Variants in TG observed in about 807,000 individuals in gnomAD.
TG encodes the protein thyroid hormones.
A neutral mutation model predicts 324.7 loss-of-function variants in TG; 270 were observed. That is an observed-to-expected ratio of 0.83 (90% confidence interval 0.75 to 0.92). The LOEUF (loss-of-function observed/expected upper bound fraction) is 0.92, where lower values mean the gene tolerates loss of function less well. TG is among the 40% of genes least tolerant of loss of function. The probability of loss-of-function intolerance (pLI) is 0.00; values close to 1 mark genes in which losing one functional copy is unlikely to be tolerated. For synonymous variants in TG, 1,401 were observed against 1,327.0 expected, an observed-to-expected ratio of 1.06 and a Z score of -1.21; for missense variants, 3,591 against 3,456.4, an observed-to-expected ratio of 1.04 and a Z score of -0.98.
chr8:133,105,199 T>C (rs1268489138), intron 43 of TG, among the ~76,000 whole-genome samples: 1 of 152,208 alleles, frequency 6.6e-6, no homozygotes, highest in Admixed American at 6.5e-5. Flanking sequence ...TTTCAAAAAT[T>C]GGAGCATTAT....
intron 39 of TG, among the ~76,000 whole-genome samples, chr8:133,021,123 C>T (rs1296451138): frequency 2.0e-5 from 3 of 152,190 alleles, no homozygotes; most frequent in Non-Finnish European, 4.4e-5. Flanking sequence ...CTCAGGCAAG[C>T]CATTCAACAT....
intron 45 of TG, among the ~76,000 whole-genome samples, chr8:133,129,441 A>G (rs1419857530): frequency 6.6e-6 from 1 of 152,220 alleles, no homozygotes; most frequent in Non-Finnish European, 1.5e-5. Context: ...TTTACACTGT[A>G]AAAATTGGCA....
chr8:133,133,745 G>C, intron 47 of TG, 85 bp downstream of exon 47: 1 of 1,472,092 alleles, frequency 6.8e-7, no homozygotes. Context: ...TGTGCTGCGC[G>C]CGCATTGGAG....
At chr8:133,119,986 G>T (rs1244330811) in intron 45 of TG, among the ~76,000 whole-genome samples, 1 of 152,202 alleles carries the variant, frequency 6.6e-6, no homozygotes, top group East Asian at 1.9e-4. Flanking sequence ...GAGCCATGTG[G>T]TTTGGGTGGA....
intron 41 of TG, among the ~76,000 whole-genome samples, chr8:133,065,252 T>C (rs1359818381): frequency 6.6e-6 from 1 of 152,216 alleles, no homozygotes; most frequent in Non-Finnish European, 1.5e-5. Flanking sequence ...CAGTATGTCC[T>C]GGGTTGCTCA....
intron 5 of TG, among the ~76,000 whole-genome samples, chr8:132,873,823 A>G (rs1180667558): frequency 6.6e-6 from 1 of 152,164 alleles, no homozygotes; most frequent in Non-Finnish European, 1.5e-5. Flanking sequence ...AAGGAGCATA[A>G]AGTGCATGGT....
intron 41 of TG, among the ~76,000 whole-genome samples, chr8:133,069,400 A>G (rs1459193278): frequency 6.6e-6 from 1 of 152,152 alleles, no homozygotes; most frequent in East Asian, 1.9e-4. Flanking sequence ...GGACCCCAGA[A>G]CCCCACACTC....
intron 32 of TG, among the ~76,000 whole-genome samples, chr8:132,971,310 G>C (rs1240515209): frequency 6.6e-6 from 1 of 152,224 alleles, no homozygotes; most frequent in Non-Finnish European, 1.5e-5. Context: ...GAGGGGAAGT[G>C]AAGGGGAGCA....
chr8:133,065,099 G>T (rs1279930347), intron 41 of TG, among the ~76,000 whole-genome samples: 1 of 152,172 alleles, frequency 6.6e-6, no homozygotes, highest in East Asian at 1.9e-4. Context: ...CTAAGGCATG[G>T]AAGTGTGGTG....
chr8:133,128,072 C>A (rs1851654596), intron 45 of TG, among the ~76,000 whole-genome samples: 1 of 150,742 alleles, frequency 6.6e-6, no homozygotes, highest in Admixed American at 6.7e-5. Flanking sequence ...GTAATTCTAT[C>A]ACTTGATAGA....
intron 35 of TG, among the ~76,000 whole-genome samples, chr8:133,010,493 G>T (rs1190389796): frequency 6.6e-6 from 1 of 152,320 alleles, no homozygotes; most frequent in African/African-American, 2.4e-5. Context: ...GAAGGTGTGT[G>T]TATGTTACAG....
intron 16 of TG, among the ~76,000 whole-genome samples, chr8:132,905,847 C>T (rs1049328276): frequency 5.9e-5 from 9 of 152,054 alleles, no homozygotes; most frequent in Admixed American, 3.3e-4. Context: ...GAAAACAGAA[C>T]GTGTTGAGTT....
At chr8:132,938,196 A>C (rs917408618) in intron 25 of TG, among the ~76,000 whole-genome samples, 3 of 152,204 alleles carry the variant, frequency 2.0e-5, no homozygotes, top group Admixed American at 2.0e-4. Context: ...CGCAGTAGGT[A>C]GTTAATCATG....
At chr8:132,975,825 T>C (rs980700520) in intron 34 of TG, among the ~76,000 whole-genome samples, 1 of 152,194 alleles carries the variant, frequency 6.6e-6, no homozygotes, top group African/African-American at 2.4e-5. Context: ...AATCACTATG[T>C]TGTGTGATTG....
intron 29 of TG, chr8:132,964,760 T>C: frequency 1.6e-6 from 1 of 617,854 alleles, no homozygotes; most frequent in Non-Finnish European, 2.9e-6. Context: ...GCCTTGGACA[T>C]TCACAGGCTA....
intron 43 of TG, among the ~76,000 whole-genome samples, chr8:133,099,862 T>G (rs1588096018): frequency 6.6e-6 from 1 of 152,168 alleles, no homozygotes; most frequent in East Asian, 1.9e-4. Context: ...ATCCAGCCAC[T>G]TTATTTGAGA....
intron 35 of TG, among the ~76,000 whole-genome samples, chr8:132,988,258 A>G (rs1007334197): frequency 4.6e-5 from 7 of 152,174 alleles, no homozygotes; most frequent in African/African-American, 1.7e-4. Flanking sequence ...TATTATGACC[A>G]AACTGTGACT....
chr8:133,075,245 A>T lies in TG; in HGVS notation c.7240-19799A>T. Reference sequence around the variant, plus strand: ...GTCTTCTTTCTCTAATTAAAAGGCAAATCAATGGGGCTGTGAATTTGCTCT... The same window carrying T: ...GTCTTCTTTCTCTAATTAAAAGGCATATCAATGGGGCTGTGAATTTGCTCT... On this transcript the variant is annotated intron_variant, in intron 41 of 47. Coordinates refer to ENST00000220616, the MANE Select transcript of TG (RefSeq NM_003235.5). 6.4e-6 allele frequency: 3 copies of T among 471,512 alleles called. No individual in the cohort carries two copies. The South Asian group carries it at 2.7e-4, about 42-fold the overall frequency. The allele number at this position is 471,512 out of a possible 1,614,324, so 29.2% of individuals were successfully genotyped here.
intron 44 of TG, among the ~76,000 whole-genome samples, chr8:133,114,323 C>G (rs1489722844): frequency 1.3e-5 from 2 of 152,140 alleles, no homozygotes; most frequent in Non-Finnish European, 2.9e-5. Context: ...AACCCCCACC[C>G]CAAGATGGCT....
Sources: gnomAD v4.1 joint callset for allele counts (sites outside exome capture counted in the v4.1 genomes callset) on GRCh38, gnomAD v4.1.1 for gene constraint, MANE v1.5 for transcripts, NCBI Gene and HGNC (gene_info 2026-07-23, HGNC 2026-07-21) for gene names.